The following NCOR2 variants were observed in gnomAD, a reference collection of about 807,000 sequenced individuals.
The protein encoded by NCOR2 is CTG repeat protein 26.
NCOR2 carries 81 observed loss-of-function variants against 262.9 expected under a neutral mutation model. The ratio of observed to expected loss-of-function variants is 0.31; its 90% CI spans 0.26 to 0.37. NCOR2 has a LOEUF of 0.37. Among genes scored for constraint, NCOR2 ranks in the 10% least tolerant of loss-of-function variants. NCOR2 has a pLI of 1.00. For synonymous variants in NCOR2, 1,659 were observed against 1,559.3 expected, an observed-to-expected ratio of 1.06 and a Z score of -1.51; for missense variants, 3,385 against 3,621.4, an observed-to-expected ratio of 0.93 and a Z score of 1.68.
chr12:124,344,730 C>A, exon 32 of NCOR2: 2 of 1,543,174 alleles, frequency 1.3e-6, no homozygotes, highest in Middle Eastern at 1.7e-4. Flanking sequence ...GCACAATGAC[C>A]GGGGCGCCGC....
rs2045703789 is a variant in NCOR2, at chr12:124,454,053, C to G, written c.762+3053G>C. ...GGGCTTCTGGCACCCAGTTGGTAGA[C>G]AGGACCCTGCAGAGGGTGCACCATG... is the stretch of plus-strand genomic sequence containing the variant. On this transcript the variant is annotated intron_variant, in intron 6 of 46. Transcript: ENST00000405201. This position sits in a 1 kb window ranked among gnomAD's most constrained non-coding sequence, Gnocchi z 5.6. Among the ~76,000 whole-genome samples the G allele has an allele frequency of 6.6e-6, 1 of 152,234 alleles. No individual in the cohort carries two copies. Among genetic ancestry groups the G allele is most frequent in the Admixed American group, 6.5e-5 (1 of 15,292 alleles).
chr12:124,473,117 C>T (rs543625722), exon 4 of NCOR2: 11 of 1,613,746 alleles, frequency 6.8e-6, no homozygotes, highest in South Asian at 5.5e-5. Context: ...CCAGCTTGCC[C>T]GTCAGGCTAC....
Position 124,363,665 on chromosome 12 carries a change from G to A in NCOR2, c.2928+14C>T. 7.3e-7 allele frequency: 1 copy of A among 1,369,460 alleles called. No homozygotes were observed. Among genetic ancestry groups the A allele is most frequent in the Non-Finnish European group, 9.5e-7 (1 of 1,051,582 alleles). 84.8% of individuals were successfully genotyped at this position (1,369,460 alleles called of 1,614,324 possible). ...CAGGGTGGACTCTGTGGGGCTCTGG[G>A]GGTGGGCACTCACGATGGGGGGGAT... On this transcript the variant is annotated intron_variant, in intron 21 of 46. Coordinates refer to ENST00000405201, the Ensembl canonical transcript of NCOR2.
intron 1 of NCOR2, among the ~76,000 whole-genome samples, chr12:124,516,987 T>C (rs2049841160): frequency 1.3e-5 from 2 of 150,708 alleles, no homozygotes; most frequent in Non-Finnish European, 3.0e-5. Context: ...AGACAGTAAG[T>C]GACTTGCCCA....
At chr12:124,336,822 A>T (rs2035943414) in exon 38 of NCOR2, 2 of 1,613,028 alleles carry the variant, frequency 1.2e-6, no homozygotes, top group East Asian at 4.5e-5. Flanking sequence ...TGCGGGTCCG[A>T]GGCCGAGGCA....
chr12:124,555,717 A>AC (rs1160095829), intron 1 of NCOR2, among the ~76,000 whole-genome samples: 5 of 151,900 alleles, frequency 3.3e-5, no homozygotes, highest in African/African-American at 9.7e-5. Flanking sequence ...GTGGGTTTGG[A>AC]CCCCCCAGAA....
chr12:124,452,797 C>T (rs1358568865), intron 6 of NCOR2, among the ~76,000 whole-genome samples: 1 of 152,196 alleles, frequency 6.6e-6, no homozygotes, highest in Non-Finnish European at 1.5e-5. Flanking sequence ...GTGGCCTCCT[C>T]CCCTGCCCTG....
chr12:124,419,688 TGAG>T (rs970165948), intron 13 of NCOR2, among the ~76,000 whole-genome samples: 2 of 152,226 alleles, frequency 1.3e-5, no homozygotes, highest in African/African-American at 2.4e-5. Context: ...TTTCACAGGC[TGAG>T]GAGGCCCGTG....
chr12:124,430,193 T>C (rs11057619), intron 9 of NCOR2, among the ~76,000 whole-genome samples: 4,051 of 152,152 alleles, frequency 0.027, 180 homozygotes, highest in African/African-American at 0.093. Flanking sequence ...AAAATGGCCA[T>C]AGAACCACAG....
intron 16 of NCOR2, among the ~76,000 whole-genome samples, chr12:124,387,262 T>G (rs892434032): frequency 7.9e-6 from 1 of 126,328 alleles, no homozygotes; most frequent in Admixed American, 9.3e-5. Flanking sequence ...ACGTGCTGGC[T>G]GCCTGCCTGC....
At chr12:124,426,507 C>CG in intron 11 of NCOR2, 115 bp downstream of exon 13, 1 of 1,007,624 alleles carries the variant, frequency 9.9e-7, no homozygotes, top group Non-Finnish European at 1.4e-6. Flanking sequence ...TAAATCCCTG[C>CG]GGTTTTAAGC....
intron 20 of NCOR2, among the ~76,000 whole-genome samples, chr12:124,370,566 C>T (rs1308125939): frequency 6.6e-6 from 1 of 152,210 alleles, no homozygotes; most frequent in Non-Finnish European, 1.5e-5. Context: ...GCCTGCCTGC[C>T]CCACCAGAAA....
In NCOR2 at chr12:124,325,379, C is replaced by CCCCA. The variant is rs1555297228; in HGVS notation, c.*22_*23insTGGG. The stretch of plus-strand genomic sequence containing the variant: ...GTGGCTCGCTGGGACCTGACACCGC[C>CCCCA]CCCCCCCCCGCCCTGTTCTGAGTCA... On this transcript the variant is annotated 3_prime_UTR_variant, in exon 47 of 47. Coordinates refer to ENST00000405201, the Ensembl canonical transcript of NCOR2. The CCCCA allele has an allele frequency of 3.2e-5, 10 of 317,188 alleles. 1 individual carries two copies. The highest frequency in any genetic ancestry group is 5.1e-5 in the Non-Finnish European group (10 of 194,278). The allele number at this position is 317,188 out of a possible 1,614,324, so 19.6% of individuals were successfully genotyped here. A position where few individuals can be genotyped will look rare whatever the true frequency, so the allele number is the denominator to read the frequency against.
intron 6 of NCOR2, among the ~76,000 whole-genome samples, 197 bp downstream of exon 8, chr12:124,456,909 G>T (rs1331899227): frequency 1.7e-5 from 2 of 116,008 alleles, no homozygotes; most frequent in East Asian, 5.3e-4. Flanking sequence ...CCCCCACCCA[G>T]CCCAGCCAGG....
At chr12:124,460,574 GC>G (rs1386883907) in intron 5 of NCOR2, among the ~76,000 whole-genome samples, 4 of 152,200 alleles carry the variant, frequency 2.6e-5, no homozygotes. Context: ...AGTCCTCTCT[GC>G]CCCCTCCATA....
chr12:124,385,334 A>C (rs1244052), intron 17 of NCOR2, among the ~76,000 whole-genome samples: 3 of 152,144 alleles, frequency 2.0e-5, no homozygotes, highest in Non-Finnish European at 4.4e-5. Flanking sequence ...CAAATGGGGC[A>C]GGGGAGCCAC....
chr12:124,330,774 CA>C (rs1555298418), intron 44 of NCOR2, 70 bp downstream of exon 46: 1 of 1,503,430 alleles, frequency 6.7e-7, no homozygotes, highest in Non-Finnish European at 9.1e-7. Context: ...CCCTTCATGA[CA>C]GCTGGAGCAG....
In NCOR2 at chr12:124,426,820, AG is replaced by A. The variant is rs777509731; in HGVS notation, c.1150-21del. ...CAGGTTCTGCAGGGAAACGGAGGGC[AG>A]GGTCAGAGGCCCAGGGACGAGGTGC... On this transcript the variant is annotated intron_variant, in intron 10 of 46. Coordinates refer to ENST00000405201, the Ensembl canonical transcript of NCOR2. 3 of 1,555,472 alleles carry A rather than the reference AG, an allele frequency of 1.9e-6. No homozygotes were observed. The highest frequency in any genetic ancestry group is 3.9e-4 in the Middle Eastern group (2 of 5,084).
chr12:124,497,009 G>A (rs1001638254), upstream of NCOR2, among the ~76,000 whole-genome samples: 3 of 152,242 alleles, frequency 2.0e-5, no homozygotes, highest in African/African-American at 4.8e-5. The surrounding 1 kb of genome is among the most constrained non-coding windows in gnomAD (Gnocchi z 4.2). Flanking sequence ...CGAAAGGGCG[G>A]TAAGAGCAGG....
Sources: gnomAD v4.1 joint callset for allele counts (sites outside exome capture counted in the v4.1 genomes callset) on GRCh38, gnomAD v4.1.1 for gene constraint, Gnocchi (gnomAD v3.1) non-coding constraint, MANE v1.5 for transcripts, NCBI Gene and HGNC (gene_info 2026-07-23, HGNC 2026-07-21) for gene names.